Variants in IL20RB observed in about 807,000 individuals in gnomAD.
IL20RB encodes the protein interleukin-20 receptor subunit beta.
IL20RB carries 21 observed loss-of-function variants against 33.3 expected under a neutral mutation model. The observed-to-expected ratio is 0.63, with a 90% CI of 0.45 to 0.91. The LOEUF (loss-of-function observed/expected upper bound fraction) is 0.91, where lower values mean the gene tolerates loss of function less well. Among genes scored for constraint, IL20RB ranks in the 40% least tolerant of loss-of-function variants. The pLI is 0.00. For missense variants in IL20RB, 345 were observed against 384.8 expected (o/e 0.90, Z 0.86); for synonymous variants, 147 against 146.8 (o/e 1.00, Z -0.01).
chr3:136,961,339 C>T (rs946944044), intron 1 of IL20RB, among the ~76,000 whole-genome samples: 1 of 151,986 alleles, frequency 6.6e-6, no homozygotes, highest in Non-Finnish European at 1.5e-5. Context: ...TCTTTAGCCA[C>T]CAGAAGTAAA....
chr3:136,985,985 G>T (rs1560072155), intron 3 of IL20RB, among the ~76,000 whole-genome samples: 1 of 152,150 alleles, frequency 6.6e-6, no homozygotes. Flanking sequence ...GCTGGGCATG[G>T]TGGCTCATGC....
At chr3:137,003,799 C>A (rs779071939) in intron 6 of IL20RB, among the ~76,000 whole-genome samples, 2 of 152,158 alleles carry the variant, frequency 1.3e-5, no homozygotes, top group East Asian at 3.8e-4. Flanking sequence ...ACTTCCAACA[C>A]TATGTTGAAT....
intron 5 of IL20RB, among the ~76,000 whole-genome samples, chr3:136,994,771 G>A (rs1942095216): frequency 6.6e-6 from 1 of 152,108 alleles, no homozygotes; most frequent in South Asian, 2.1e-4. Context: ...GGGTAACCTG[G>A]GGTAGCTCAC....
Position 137,010,200 on chromosome 3 carries a change from C to G in IL20RB, c.913C>G (p.Leu305Val), listed in dbSNP as rs747022764. ...CATAVMSPEE[L>V]LRAWIS ...CACGGCTGTGATGTCTCCTGAGGAACTCCTCAGGGCCTGGATCTCATAGGT... is the reference window on the plus strand; with the variant it reads ...CACGGCTGTGATGTCTCCTGAGGAAGTCCTCAGGGCCTGGATCTCATAGGT... The change falls in exon 7 of 7, where the codon CTC becomes GTC. Residue 305 changes from leucine to valine, a missense_variant. Leu to Val is a conservative substitution (Grantham distance 32). Transcript: ENST00000329582. The G allele has an allele frequency of 2.5e-6, 4 of 1,574,060 alleles. No homozygotes were observed. The South Asian group carries it at 4.4e-5, about 17-fold the overall frequency.
In IL20RB at chr3:136,980,514, C is replaced by T. The variant is rs902077936; in HGVS notation, c.137C>T (p.Thr46Ile). 2.5e-6 allele frequency: 4 copies of T among 1,614,096 alleles called. No homozygotes were observed. Among genetic ancestry groups the T allele is most frequent in the African/African-American group, 1.3e-5 (1 of 74,938 alleles). The change falls in exon 2 of 7, where the codon ACC (threonine) becomes ATC (isoleucine). Residue 46 changes from threonine to isoleucine, a missense_variant. Thr to Ile is a moderately conservative substitution (Grantham distance 89). Transcript: ENST00000329582. ...CCTCAGAACCTCTCTGTACTCTCAA[C>T]CAACATGAAGCATCTCTTGATGTGG... ...PAPQNLSVLS[T>I]NMKHLLMWSP...
At chr3:136,961,720 C>T (rs1941220841) in intron 1 of IL20RB, among the ~76,000 whole-genome samples, 1 of 152,018 alleles carries the variant, frequency 6.6e-6, no homozygotes, top group Non-Finnish European at 1.5e-5. Context: ...TGATAATGTG[C>T]CAGTACTGGC....
chr3:136,989,515 C>T lies in IL20RB; in HGVS notation c.481C>T (p.Pro161Ser). 5 of 1,614,018 alleles carry T rather than the reference C, an allele frequency of 3.1e-6. No homozygotes were observed. Among genetic ancestry groups the T allele is most frequent in the Non-Finnish European group, 4.2e-6 (5 of 1,179,964 alleles). Residue 161 changes from proline to serine, a missense_variant, in exon 4 of 7, where the codon CCC becomes TCC. Physicochemically the swap from Pro to Ser is moderately conservative, Grantham distance 74 (BLOSUM62 -1). Transcript: ENST00000329582. ...GGTTATTGAGCTGGAGGACCTGGGG[C>T]CCCAGTTTGAGTTCCTTGTGGCCTA... ...HLVIELEDLG[P>S]QFEFLVAYWR...
In IL20RB at chr3:137,010,753, A is replaced by C. The variant is rs1933076547; in HGVS notation, c.*530A>C. The C allele has an allele frequency of 6.6e-6, 1 of 152,438 alleles. No individual in the cohort carries two copies. Among genetic ancestry groups the C allele is most frequent in the African/African-American group, 2.4e-5 (1 of 41,454 alleles). The allele number at this position is 152,438 out of a possible 1,614,324, so 9.4% of individuals were successfully genotyped here. On this transcript the variant is annotated 3_prime_UTR_variant, in exon 7 of 7. Transcript: ENST00000329582. ...CTTTCCCAGAATAATCCTTGAGAGA[A>C]AAGGAATCATGGGAGCAATGGTGTT...
chr3:136,986,001 A>C (rs1393271838), intron 3 of IL20RB, among the ~76,000 whole-genome samples: 1 of 152,168 alleles, frequency 6.6e-6, no homozygotes, highest in Non-Finnish European at 1.5e-5. Context: ...CATGCCTGTA[A>C]TCCCAGCACT....
At position 136,998,153 on chromosome 3, in the gene IL20RB, C is replaced by CT. The variant is rs201390789; in HGVS notation, c.825+2598dup. Among the ~76,000 whole-genome samples the CT allele has an allele frequency of 7.9e-3, 907 of 115,536 alleles. 7 individuals are homozygous for CT. Among genetic ancestry groups the CT allele is most frequent in the South Asian group, 0.058 (221 of 3,806 alleles). The allele number at this position is 115,536 out of a possible 152,430, so 75.8% of individuals were successfully genotyped here. On this transcript the variant is annotated intron_variant, in intron 6 of 6. Coordinates refer to ENST00000329582, the MANE Select transcript of IL20RB (RefSeq NM_144717.4). ...TCTTTTTTTTTTTTTTTTTTCCCCT[C>CT]TGTTCTTTTTCTGCCTCTTTTTGGG...
At chr3:136,977,783 C>T (rs973430156) in intron 1 of IL20RB, among the ~76,000 whole-genome samples, 6 of 152,288 alleles carry the variant, frequency 3.9e-5, no homozygotes, top group African/African-American at 1.2e-4. Context: ...GCCTTGGTCT[C>T]CCAGAGTGCT....
chr3:136,978,340 A>G (rs1336211190), intron 1 of IL20RB, among the ~76,000 whole-genome samples: 1 of 151,458 alleles, frequency 6.6e-6, no homozygotes, highest in East Asian at 1.9e-4. Context: ...TAATTTTTCT[A>G]TTTTTAGTAG....
intron 1 of IL20RB, among the ~76,000 whole-genome samples, chr3:136,960,768 T>C (rs992740501): frequency 6.6e-6 from 1 of 152,200 alleles, no homozygotes; most frequent in African/African-American, 2.4e-5. Flanking sequence ...GCCTGTGCCC[T>C]TTATATATCT....
chr3:136,996,542 C>T (rs1432286327), intron 6 of IL20RB, among the ~76,000 whole-genome samples: 1 of 152,098 alleles, frequency 6.6e-6, no homozygotes, highest in Non-Finnish European at 1.5e-5. Context: ...TTGTGACATC[C>T]CTGTGGCCCT....
chr3:136,964,383 G>A (rs1480722994), intron 1 of IL20RB, among the ~76,000 whole-genome samples: 180 of 88,656 alleles, frequency 2.0e-3, no homozygotes, highest in Non-Finnish European at 2.4e-3. Flanking sequence ...AATGATTGCC[G>A]TTCTAACTGG....
In IL20RB at chr3:137,009,641, T is replaced by C. The variant is rs563864948; in HGVS notation, c.826-472T>C. Among the ~76,000 whole-genome samples, 4 of 152,060 alleles carry C rather than the reference T, an allele frequency of 2.6e-5. No homozygotes were observed. The South Asian group carries it at 6.2e-4, about 24-fold the overall frequency. ...TGCAGCCTTGACCTCCCAGGCTCAATTGATCCTCCTGCCTCAGCCTCACGA... is the reference window on the plus strand; with the variant it reads ...TGCAGCCTTGACCTCCCAGGCTCAACTGATCCTCCTGCCTCAGCCTCACGA... On this transcript the variant is annotated intron_variant, in intron 6 of 6. Transcript: ENST00000329582.
intron 6 of IL20RB, among the ~76,000 whole-genome samples, chr3:137,006,126 A>G (rs1011840414): frequency 1.5e-4 from 23 of 152,212 alleles, no homozygotes; most frequent in African/African-American, 5.1e-4. Flanking sequence ...ATTTCTGCCA[A>G]GAGATCTGCT....
chr3:136,962,906 G>A (rs893804675), intron 1 of IL20RB, among the ~76,000 whole-genome samples: 2 of 145,516 alleles, frequency 1.4e-5, no homozygotes, highest in South Asian at 2.2e-4. Context: ...AAAAACTGAT[G>A]AAATCTGATT....
chr3:136,995,005 A>T (rs997274094), intron 5 of IL20RB, among the ~76,000 whole-genome samples: 1 of 152,128 alleles, frequency 6.6e-6, no homozygotes, highest in African/African-American at 2.4e-5. Context: ...TGTGAAACAC[A>T]CTTTGTTTTC....
Sources: gnomAD v4.1 joint callset for allele counts (sites outside exome capture counted in the v4.1 genomes callset) on GRCh38, gnomAD v4.1.1 for gene constraint, MANE v1.5 for transcripts, NCBI Gene and HGNC (gene_info 2026-07-23, HGNC 2026-07-21) for gene names.